Variants in CDCP1 observed in about 807,000 individuals in gnomAD.
The protein encoded by CDCP1 is CUB domain-containing protein 1.
In CDCP1, 29 loss-of-function variants were observed where a neutral mutation model predicts 60.2. The observed-to-expected ratio is 0.48, with a 90% CI of 0.36 to 0.66. The LOEUF (loss-of-function observed/expected upper bound fraction) is 0.66. Ranked by LOEUF, CDCP1 falls within the 30% of genes least tolerant of loss-of-function variation. The pLI is 0.00. For missense variants in CDCP1, 876 were observed against 1,074.3 expected, an observed-to-expected ratio of 0.82 and a Z score of 2.58; for synonymous variants, 387 against 431.1, an observed-to-expected ratio of 0.90 and a Z score of 1.27.
At chr3:45,118,340 T>C in intron 2 of CDCP1, 72 bp downstream of exon 2, 1 of 1,125,802 alleles carries the variant, frequency 8.9e-7, no homozygotes, top group South Asian at 1.3e-5. Flanking sequence ...TGACTTAGCA[T>C]GGGAAAGACA....
Position 45,137,490 on chromosome 3 carries a change from C to T in CDCP1, c.82+8716G>A, listed in dbSNP as rs143858644. 2.1e-4 allele frequency among the ~76,000 whole-genome samples: 32 copies of T among 152,048 alleles called. No individual in the cohort carries two copies. In the East Asian group the frequency reaches 5.8e-3, roughly 28 times the overall value. On this transcript the variant is annotated intron_variant, in intron 1 of 8. Coordinates refer to ENST00000296129, the MANE Select transcript of CDCP1 (RefSeq NM_022842.5). The stretch of plus-strand genomic sequence containing the variant: ...TTGTGGTGGGCTTCTGCAAGATGAT[C>T]CAAGCATTGTTTACAACTTGAAAAA...
At chr3:45,107,887 C>T (rs926859812) in intron 4 of CDCP1, among the ~76,000 whole-genome samples, 4 of 152,182 alleles carry the variant, frequency 2.6e-5, no homozygotes, top group East Asian at 1.9e-4. Flanking sequence ...GTGGCCGAGG[C>T]GGGTGGATCA....
chr3:45,093,794 C>T, intron 5 of CDCP1, 137 bp from the exon 6 acceptor site: 2 of 965,064 alleles, frequency 2.1e-6, no homozygotes, highest in Non-Finnish European at 3.1e-6. Context: ...CCACCCTGCC[C>T]TCTGCTTCTG....
chr3:45,121,567 C>T (rs1421053326), intron 1 of CDCP1, among the ~76,000 whole-genome samples: 1 of 152,174 alleles, frequency 6.6e-6, no homozygotes, highest in East Asian at 1.9e-4. Context: ...ATTCCCATTT[C>T]CCCTTCTGTC....
chr3:45,111,815 G>C (rs571793206), intron 3 of CDCP1, among the ~76,000 whole-genome samples: 3 of 152,148 alleles, frequency 2.0e-5, no homozygotes, highest in African/African-American at 7.2e-5. Context: ...AATCAAGGTG[G>C]GTCTGTAGAA....
intron 7 of CDCP1, 46 bp from the exon 8 acceptor site, chr3:45,089,187 G>T (rs79885994): frequency 0.074 from 111,713 of 1,507,612 alleles, 4,463 homozygotes; most frequent in Non-Finnish European, 0.083. Flanking sequence ...CAGCTGGGGT[G>T]AGCTCTGCAA....
intron 1 of CDCP1, among the ~76,000 whole-genome samples, 188 bp from the exon 2 acceptor site, chr3:45,118,809 TG>T (rs1335980030): frequency 6.6e-6 from 1 of 152,254 alleles, no homozygotes; most frequent in African/African-American, 2.4e-5. Context: ...ACCAGGATGC[TG>T]CCAGCTGGTC....
chr3:45,111,302 T>C (rs1350581260), intron 3 of CDCP1, among the ~76,000 whole-genome samples: 1 of 152,242 alleles, frequency 6.6e-6, no homozygotes, highest in Non-Finnish European at 1.5e-5. Context: ...AAAAATAATT[T>C]ATTTAATTAT....
intron 1 of CDCP1, among the ~76,000 whole-genome samples, chr3:45,144,148 C>G (rs1363378044): frequency 6.6e-6 from 1 of 152,164 alleles, no homozygotes; most frequent in African/African-American, 2.4e-5. Flanking sequence ...CAAAGTCACA[C>G]AAACACACGA....
chr3:45,100,083 C>T (rs1698465484), intron 4 of CDCP1, among the ~76,000 whole-genome samples: 1 of 152,158 alleles, frequency 6.6e-6, no homozygotes, highest in Non-Finnish European at 1.5e-5. Flanking sequence ...GTTGACTGGG[C>T]TTCTCAGTAG....
chr3:45,099,391 C>T (rs1036001404), intron 4 of CDCP1, among the ~76,000 whole-genome samples: 2 of 151,480 alleles, frequency 1.3e-5, no homozygotes, highest in African/African-American at 2.4e-5. Flanking sequence ...CTTCTTCCTC[C>T]GTATAAAACT....
chr3:45,110,154 G>A lies in CDCP1; in HGVS notation c.1024+319C>T, dbSNP rs529809285. ...CATCATCATCGCTGATGGTGCGGGT[G>A]ACATCCTCATTCACATTGCAGGGTC... is the stretch of plus-strand genomic sequence containing the variant. On this transcript the variant is annotated intron_variant, in intron 4 of 8. Coordinates refer to ENST00000296129, the MANE Select transcript of CDCP1 (RefSeq NM_022842.5). The A allele has an allele frequency of 1.1e-4, 124 of 1,148,796 alleles. No individual in the cohort carries two copies. The Middle Eastern group carries it at 1.5e-3, about 14-fold the overall frequency. The allele number at this position is 1,148,796 out of a possible 1,614,324, so 71.2% of individuals were successfully genotyped here.
At chr3:45,092,088 C>T (rs770417095) in intron 6 of CDCP1, among the ~76,000 whole-genome samples, 2 of 152,220 alleles carry the variant, frequency 1.3e-5, no homozygotes, top group African/African-American at 2.4e-5. Flanking sequence ...AGCCACTGTG[C>T]CCAGCCTCAT....
At chr3:45,127,404 A>T (rs981730853) in intron 1 of CDCP1, among the ~76,000 whole-genome samples, 3 of 152,164 alleles carry the variant, frequency 2.0e-5, no homozygotes, top group Admixed American at 6.5e-5. Context: ...AATGTGGCTG[A>T]GTTAGTGGCA....
At chr3:45,110,191 T>A in intron 4 of CDCP1, 1 of 1,284,436 alleles carries the variant, frequency 7.8e-7, no homozygotes, top group East Asian at 3.7e-5. Context: ...AGACATAAGA[T>A]CTAGAAAAAT....
intron 2 of CDCP1, among the ~76,000 whole-genome samples, chr3:45,114,638 C>T (rs1698755708): frequency 6.6e-6 from 1 of 152,134 alleles, no homozygotes; most frequent in African/African-American, 2.4e-5. Flanking sequence ...GTCTTGAACT[C>T]CTGACCTCAG....
chr3:45,094,392 A>AT (rs1698360323), intron 5 of CDCP1, among the ~76,000 whole-genome samples: 1 of 151,884 alleles, frequency 6.6e-6, no homozygotes, highest in African/African-American at 2.4e-5. Flanking sequence ...TGCCCGGCTA[A>AT]TTTTTTGTAT....
chr3:45,115,246 C>CGGG (rs1174783710), intron 2 of CDCP1, among the ~76,000 whole-genome samples: 1 of 88,212 alleles, frequency 1.1e-5, no homozygotes, highest in African/African-American at 4.5e-5. Flanking sequence ...TGGGGTGGGG[C>CGGG]GGGGAAGTAC....
Position 45,110,475 on chromosome 3 carries a change from C to T in CDCP1, c.1022G>A (p.Ser341Asn), listed in dbSNP as rs928726101. 6.8e-6 allele frequency: 11 copies of T among 1,613,754 alleles called. No homozygotes were observed. Among genetic ancestry groups the T allele is most frequent in the Middle Eastern group, 1.6e-4 (1 of 6,074 alleles). ...QVLVQHPQNE[S>N]NKIYVVDLSN... ...AAAGGAAAGTGGGGCTCACTCACTG[C>T]TTTCATTTTGTGGATGTTGGACCAA... is the stretch of plus-strand genomic sequence containing the variant. Residue 341 changes from serine to asparagine, a missense_variant and splice_region_variant, in exon 4 of 9, where the codon AGC becomes AAC. By Grantham distance (46) the Ser-to-Asn change is conservative. Around this residue, in one of 2 missense-constraint regions of CDCP1, gnomAD observed 726 missense variants for 935.7 expected, o/e 0.78. Transcript: ENST00000296129.
Sources: allele counts gnomAD v4.1 joint callset (sites outside exome capture counted in the v4.1 genomes callset), GRCh38; gene constraint gnomAD v4.1.1; regional missense constraint gnomAD v4.1.1; transcripts MANE v1.5; gene names NCBI Gene and HGNC (gene_info 2026-07-23, HGNC 2026-07-21).